FREM1: variants seen among roughly 807,000 people sequenced by gnomAD.
FREM1 encodes FRAS1 related extracellular matrix 1.
FREM1 carries 220 observed loss-of-function variants against 210.1 expected under a neutral mutation model. That is an observed-to-expected ratio of 1.05 (90% CI 0.94 to 1.17). The LOEUF (loss-of-function observed/expected upper bound fraction) is 1.17. Ranked by LOEUF, FREM1 falls within the 50% of genes most tolerant of loss-of-function variation. The probability of loss-of-function intolerance (pLI) is 0.00; values close to 1 mark genes in which losing one functional copy is unlikely to be tolerated. For missense variants in FREM1, 3,454 were observed against 2,675.5 expected, an observed-to-expected ratio of 1.29 and a Z score of -6.42; for synonymous variants, 1,189 against 980.2, an observed-to-expected ratio of 1.21 and a Z score of -3.98.
At chr9:14,851,656 T>A in intron 5 of FREM1, 49 bp from the exon 6 acceptor site, 61 of 1,273,346 alleles carry the variant, frequency 4.8e-5, no homozygotes, top group Non-Finnish European at 6.2e-5. Flanking sequence ...ATGAATGAGG[T>A]GATATCATAC....
chr9:14,829,116 T>A (rs1280050144), intron 10 of FREM1, among the ~76,000 whole-genome samples: 1 of 152,124 alleles, frequency 6.6e-6, no homozygotes, highest in Non-Finnish European at 1.5e-5. Flanking sequence ...CTAGCACAAT[T>A]TTTTTTGTAG....
intron 3 of FREM1, among the ~76,000 whole-genome samples, chr9:14,863,143 C>T (rs1333410730): frequency 1.3e-5 from 2 of 151,800 alleles, no homozygotes; most frequent in Admixed American, 6.6e-5. Flanking sequence ...AGATCAAGAC[C>T]ATCCTGGCTA....
At chr9:14,765,419 A>G (rs1209846525) in intron 27 of FREM1, among the ~76,000 whole-genome samples, 4 of 152,202 alleles carry the variant, frequency 2.6e-5, no homozygotes, top group Admixed American at 6.5e-5. Flanking sequence ...CTCGGTTTTC[A>G]TTATCTTAAA....
rs2132056896 is a variant in FREM1, at chr9:14,750,205, C to G, written c.5479G>C (p.Val1827Leu). Residue 1827 changes from valine (V) to leucine (L), a missense_variant, in exon 30 of 37, where the codon GTA (valine) becomes CTA (leucine). By Grantham distance (32) the Val-to-Leu change is conservative. Coordinates refer to ENST00000380880, the MANE Select transcript of FREM1 (RefSeq NM_001379081.2). The part of the protein sequence containing the change: ...GLEEDDEVFE[V>L]ILNSPVNAVL... Reference sequence around the variant, plus strand: ...GCATTCACAGGGGAGTTCAGAATTACTTCAAAGACCTCATCATCTTCCTCT... The same window carrying G: ...GCATTCACAGGGGAGTTCAGAATTAGTTCAAAGACCTCATCATCTTCCTCT... 6.2e-7 allele frequency: 1 copy of G among 1,613,610 alleles called. No homozygotes were observed. The highest frequency in any genetic ancestry group is 1.3e-5 in the African/African-American group (1 of 75,034).
chr9:14,776,862 C>G (rs187894773), intron 24 of FREM1, among the ~76,000 whole-genome samples: 3 of 152,114 alleles, frequency 2.0e-5, no homozygotes, highest in African/African-American at 7.2e-5. Context: ...TAAAATATGA[C>G]GGGAGGCTCT....
Position 14,846,095 on chromosome 9 carries a change from T to C in FREM1, c.1262-4A>G, listed in dbSNP as rs754609284. ...TGCCCCTCAAGGAGACTCAGACCTATGAAAGAAAGGAGAAAAGGGTGTTGG... is the reference window on the plus strand; with the variant it reads ...TGCCCCTCAAGGAGACTCAGACCTACGAAAGAAAGGAGAAAAGGGTGTTGG... On this transcript the variant is annotated splice_polypyrimidine_tract_variant and splice_region_variant and intron_variant, in intron 7 of 36. Coordinates refer to ENST00000380880, the MANE Select transcript of FREM1 (RefSeq NM_001379081.2). The C allele has an allele frequency of 4.0e-5, 63 of 1,562,048 alleles. No homozygotes were observed. The highest frequency in any genetic ancestry group is 5.4e-5 in the Non-Finnish European group (62 of 1,152,168).
At chr9:14,850,656 C>T (rs538303225) in intron 6 of FREM1, 2 of 152,202 alleles carry the variant, frequency 1.3e-5, no homozygotes, top group East Asian at 3.9e-4. Flanking sequence ...GTACAGCAAA[C>T]CACCATGGAC....
chr9:14,762,864 T>C (rs781762776), intron 27 of FREM1, among the ~76,000 whole-genome samples: 1 of 150,838 alleles, frequency 6.6e-6, no homozygotes, highest in Non-Finnish European at 1.5e-5. Context: ...AAATAAGAGA[T>C]GTAGTCAATC....
In FREM1 at chr9:14,748,406, T is replaced by A; in HGVS notation, c.5791A>T (p.Lys1931Ter). The A allele has an allele frequency of 1.3e-6, 2 of 1,591,842 alleles. No individual in the cohort carries two copies. Among genetic ancestry groups the A allele is most frequent in the Non-Finnish European group, 1.7e-6 (2 of 1,160,156 alleles). ...CAGAAGGTCCCCATCCTTACTGTTT[T>A]GCCATTCCCACGGGTCCTAAGCTTC... is the stretch of plus-strand genomic sequence containing the variant. ...QRKLRTRGNG[K>*]TVRPSSVYRN... Residue 1931 changes from lysine (K) to a stop codon, truncating the protein, a stop_gained, in exon 31 of 37, where the codon AAA (lysine) becomes TAA (stop). Coordinates refer to ENST00000380880, the MANE Select transcript of FREM1 (RefSeq NM_001379081.2). LOFTEE classifies it high-confidence loss of function.
chr9:14,852,871 GA>G (rs1432503875), intron 5 of FREM1, among the ~76,000 whole-genome samples: 4 of 152,206 alleles, frequency 2.6e-5, no homozygotes, highest in Non-Finnish European at 1.5e-5. Flanking sequence ...TCCAATAAAA[GA>G]GATTAGATGT....
chr9:14,740,064 T>C (rs1841248604), intron 36 of FREM1, 85 bp downstream of exon 36: 3 of 767,698 alleles, frequency 3.9e-6, no homozygotes, highest in East Asian at 2.6e-5. Flanking sequence ...ATTTAACCCA[T>C]GGAAGGAAGT....
At chr9:14,757,682 T>C (rs973574585) in intron 28 of FREM1, among the ~76,000 whole-genome samples, 2 of 152,242 alleles carry the variant, frequency 1.3e-5, no homozygotes, top group Non-Finnish European at 2.9e-5. Flanking sequence ...TGTGGGATAA[T>C]ATATTTCTGT....
intron 24 of FREM1, among the ~76,000 whole-genome samples, chr9:14,783,442 C>T (rs79218666): frequency 0.01 from 1,528 of 152,232 alleles, 19 homozygotes; most frequent in African/African-American, 0.034. Context: ...GCACCAGGAA[C>T]CAAAAGTGTG....
Position 14,808,035 on chromosome 9 carries a change from G to A in FREM1, c.2993C>T (p.Pro998Leu). ...PFVNGCCYNG[P>L]NPSVPLHASF... ...CGCATGAAGTGGAACAGATGGATTG[G>A]GTCCATTGTAGCAACAGCCATTCAC... Residue 998 changes from proline to leucine, a missense_variant, in exon 17 of 37, where the codon CCC (proline) becomes CTC (leucine). By Grantham distance (98) the Pro-to-Leu change is moderately conservative. Coordinates refer to ENST00000380880, the MANE Select transcript of FREM1 (RefSeq NM_001379081.2). The A allele has an allele frequency of 1.2e-6, 2 of 1,613,316 alleles. No individual in the cohort carries two copies. Among genetic ancestry groups the A allele is most frequent in the Non-Finnish European group, 1.7e-6 (2 of 1,179,410 alleles).
intron 1 of FREM1, among the ~76,000 whole-genome samples, chr9:14,899,267 G>T (rs922902994): frequency 6.6e-6 from 1 of 152,200 alleles, no homozygotes; most frequent in African/African-American, 2.4e-5. Context: ...GCACACCCAT[G>T]CCAGTGTGCC....
intron 14 of FREM1, among the ~76,000 whole-genome samples, chr9:14,818,020 C>T (rs1165702880): frequency 6.6e-6 from 1 of 152,188 alleles, no homozygotes; most frequent in Non-Finnish European, 1.5e-5. Context: ...CAAAATCTGA[C>T]CCCTCCATAT....
chr9:14,784,690 A>C, intron 23 of FREM1, 56 bp from the exon 24 acceptor site: 6 of 1,358,390 alleles, frequency 4.4e-6, no homozygotes, highest in Non-Finnish European at 5.8e-6. Flanking sequence ...CATTATGTCC[A>C]AGGCAAAGGC....
chr9:14,807,489 A>C (rs928207886), intron 17 of FREM1, among the ~76,000 whole-genome samples: 3 of 152,168 alleles, frequency 2.0e-5, no homozygotes, highest in African/African-American at 7.2e-5. Context: ...ATGACTTTCT[A>C]AAAAGCAAAT....
Position 14,881,716 on chromosome 9 carries a change from A to T in FREM1, c.-267-12472T>A, listed in dbSNP as rs528187506. ...CAACCTCACCTTCCTCCATAGAAAT[A>T]AAAATTTTAACTAGGTATATAGTCA... On this transcript the variant is annotated intron_variant, in intron 1 of 36. Coordinates refer to ENST00000380880, the MANE Select transcript of FREM1 (RefSeq NM_001379081.2). 6.9e-3 allele frequency among the ~76,000 whole-genome samples: 1,055 copies of T among 152,326 alleles called. 8 individuals are homozygous for T. The highest frequency in any genetic ancestry group is 0.024 in the African/African-American group (1,017 of 41,570).
Sources: gnomAD v4.1 joint callset for allele counts (sites outside exome capture counted in the v4.1 genomes callset) on GRCh38, gnomAD v4.1.1 for gene constraint, MANE v1.5 for transcripts, NCBI Gene and HGNC (gene_info 2026-07-23, HGNC 2026-07-21) for gene names.